Variants in MYOM2 observed in about 807,000 individuals in gnomAD.
The protein encoded by MYOM2 is myomesin 2, also known as myomesin-2.
MYOM2 carries 254 observed loss-of-function variants against 187.6 expected under a neutral mutation model. The ratio of observed to expected loss-of-function variants is 1.35; its 90% CI spans 1.22 to 1.50. The LOEUF is 1.50. Among genes scored for constraint, MYOM2 ranks in the 40% most tolerant of loss-of-function variants. The probability of loss-of-function intolerance (pLI) is 0.00; values close to 1 mark genes in which losing one functional copy is unlikely to be tolerated. For synonymous variants in MYOM2, 981 were observed against 753.8 expected, an observed-to-expected ratio of 1.30 and a Z score of -4.94; for missense variants, 2,796 against 1,924.0, an observed-to-expected ratio of 1.45 and a Z score of -8.48.
At chr8:2,100,104 CCTTCT>C in intron 19 of MYOM2, among the ~76,000 whole-genome samples, 1 of 102,038 alleles carries the variant, frequency 9.8e-6, no homozygotes, top group Admixed American at 9.4e-5. Flanking sequence ...TTCCTTCCTT[CCTTCT>C]TTCTTTCCTT....
chr8:2,079,532 A>T, intron 12 of MYOM2, 28 bp from the exon 13 acceptor site: 1 of 1,613,312 alleles, frequency 6.2e-7, no homozygotes, highest in South Asian at 1.1e-5. Flanking sequence ...TCGCATGTCA[A>T]ATCGAGTGTC....
chr8:2,090,701 T>G (rs1215841196), intron 15 of MYOM2, among the ~76,000 whole-genome samples: 1 of 152,220 alleles, frequency 6.6e-6, no homozygotes, highest in Non-Finnish European at 1.5e-5. Flanking sequence ...CTCCCACTTA[T>G]GAGTGAGAAC....
intron 13 of MYOM2, chr8:2,082,291 G>A (rs780122319): frequency 2.6e-5 from 4 of 152,176 alleles, no homozygotes; most frequent in Non-Finnish European, 4.4e-5. Context: ...AAAATCTTTA[G>A]CCAAAGAAAG....
At chr8:2,129,300 C>G (rs79430249) in intron 32 of MYOM2, 68 bp downstream of exon 32, 4 of 1,029,306 alleles carry the variant, frequency 3.9e-6, no homozygotes, top group Non-Finnish European at 6.0e-6. Flanking sequence ...CAGCTGGGAC[C>G]AGGCGCTCCC....
chr8:2,101,567 G>A (rs1293747834), intron 20 of MYOM2, among the ~76,000 whole-genome samples: 2 of 152,168 alleles, frequency 1.3e-5, no homozygotes, highest in African/African-American at 4.8e-5. Context: ...ACAGAACAGT[G>A]CCTTGAGGAC....
chr8:2,093,453 A>G (rs1796376682), intron 16 of MYOM2, among the ~76,000 whole-genome samples: 1 of 152,212 alleles, frequency 6.6e-6, no homozygotes, highest in South Asian at 2.1e-4. Context: ...AGTGCCTGCA[A>G]TAGTGCTGTG....
Position 2,050,793 on chromosome 8 carries a change from C to T in MYOM2, c.27C>T (p.Tyr9=). MSLVTVPF[Y]QKRHRHFDQS... ...TGTCCCTTGTGACTGTCCCCTTCTA[C>T]CAGAAGAGACATAGGCACTTCGACC... Residue 9 remains tyrosine (Y), a synonymous_variant, in exon 2 of 37, where the codon TAC becomes TAT. Transcript: ENST00000262113. 6.2e-7 allele frequency: 1 copy of T among 1,612,932 alleles called. No individual in the cohort carries two copies.
chr8:2,109,275 C>T, intron 24 of MYOM2, 120 bp from the exon 25 acceptor site: 12 of 1,180,774 alleles, frequency 1.0e-5, no homozygotes, highest in Non-Finnish European at 1.4e-5. Context: ...ATCTAATACT[C>T]CAGGGTTTCA....
intron 13 of MYOM2, among the ~76,000 whole-genome samples, chr8:2,081,433 T>G (rs1819624337): frequency 6.6e-6 from 1 of 152,220 alleles, no homozygotes; most frequent in African/African-American, 2.4e-5. Context: ...GGTTTGGTTC[T>G]GCCACGTGGG....
chr8:2,139,486 A>G (rs1585979520), intron 32 of MYOM2, among the ~76,000 whole-genome samples: 3 of 152,292 alleles, frequency 2.0e-5, no homozygotes, highest in African/African-American at 7.2e-5. Flanking sequence ...TGTTGAAGGA[A>G]AGAATAACAG....
intron 19 of MYOM2, chr8:2,100,627 G>A (rs1796673444): frequency 1.4e-5 from 7 of 500,194 alleles, no homozygotes; most frequent in Non-Finnish European, 2.2e-5. Context: ...AGAATGCAGT[G>A]TGGACTTCTG....
In MYOM2 at chr8:2,122,921, A is replaced by C. The variant is rs73169422; in HGVS notation, c.3454-331A>C. On this transcript the variant is annotated intron_variant, in intron 28 of 36. Transcript: ENST00000262113. ...CTCTATTATTCAGAAATCCCCATATATATTGCTTAAGACTTGTCTTTGTTA... is the reference window on the plus strand; with the variant it reads ...CTCTATTATTCAGAAATCCCCATATCTATTGCTTAAGACTTGTCTTTGTTA... 9.4e-3 allele frequency among the ~76,000 whole-genome samples: 1,434 copies of C among 152,304 alleles called. 8 individuals are homozygous for C. Among genetic ancestry groups the C allele is most frequent in the Non-Finnish European group, 0.016 (1,059 of 68,028 alleles).
At chr8:2,100,093 CTTCCTTCCTTCCTTCT>C in intron 19 of MYOM2, among the ~76,000 whole-genome samples, 1 of 87,552 alleles carries the variant, frequency 1.1e-5, no homozygotes, top group African/African-American at 4.8e-5. Flanking sequence ...TCTTTCCTTC[CTTCCTTCCTTCCTTCT>C]TTCTTTCCTT....
At position 2,102,795 on chromosome 8, in the gene MYOM2, C is replaced by G. The variant is rs1271336421; in HGVS notation, c.2734+14C>G. 1 of 1,585,364 alleles carries G rather than the reference C, an allele frequency of 6.3e-7. No homozygotes were observed. The highest frequency in any genetic ancestry group is 1.1e-5 in the South Asian group (1 of 90,052). ...AGGCGAGACCAGGTAAGGCTTACAA[C>G]AAAAACTACAAAACAGCAATGATTT... On this transcript the variant is annotated intron_variant, in intron 21 of 36. Coordinates refer to ENST00000262113, the MANE Select transcript of MYOM2 (RefSeq NM_003970.4).
chr8:2,052,929 GA>G (rs1818540803), intron 3 of MYOM2, among the ~76,000 whole-genome samples: 1 of 152,202 alleles, frequency 6.6e-6, no homozygotes, highest in African/African-American at 2.4e-5. Context: ...AATGTCATGG[GA>G]ATGGGATGGA....
intron 32 of MYOM2, 71 bp from the exon 33 acceptor site, chr8:2,140,652 A>G: frequency 6.7e-7 from 1 of 1,483,372 alleles, no homozygotes; most frequent in Non-Finnish European, 9.1e-7. Flanking sequence ...GCAACGGGAC[A>G]TTGCCCTGTA....
chr8:2,052,537 C>T (rs536842406), intron 3 of MYOM2, among the ~76,000 whole-genome samples: 1 of 152,372 alleles, frequency 6.6e-6, no homozygotes, highest in African/African-American at 2.4e-5. Context: ...GCACCAGCTT[C>T]CCACCATTTT....
In MYOM2 at chr8:2,057,767, C is replaced by T; in HGVS notation, c.547C>T (p.Pro183Ser). ...CTTCACCGTGCAAGGATTTCCCACG[C>T]CCGTGGTGCAGTGGTGAGGGGCTCT... is the stretch of plus-strand genomic sequence containing the variant. ...LCFTVQGFPT[P>S]VVQWYKDGSL... Residue 183 changes from proline (P) to serine (S), a missense_variant, in exon 5 of 37, where the codon CCC becomes TCC. Pro to Ser is a moderately conservative substitution (Grantham distance 74). Transcript: ENST00000262113. The T allele has an allele frequency of 6.2e-7, 1 of 1,614,054 alleles. No individual in the cohort carries two copies. The highest frequency in any genetic ancestry group is 2.2e-5 in the East Asian group (1 of 44,862).
chr8:2,111,083 T>C (rs1045198860), intron 25 of MYOM2, among the ~76,000 whole-genome samples: 2 of 152,166 alleles, frequency 1.3e-5, no homozygotes. Context: ...GAAAGGGAAT[T>C]TAGGGGAATG....
Sources: allele counts gnomAD v4.1 joint callset (sites outside exome capture counted in the v4.1 genomes callset), GRCh38; gene constraint gnomAD v4.1.1; transcripts MANE v1.5; gene names NCBI Gene and HGNC (gene_info 2026-07-23, HGNC 2026-07-21).